Variants in EPHB1 observed in about 807,000 individuals in gnomAD.
EPHB1 encodes the protein ephrin type-B receptor 1.
A neutral mutation model predicts 94.4 loss-of-function variants in EPHB1; 30 were observed. The observed-to-expected ratio is 0.32, with a 90% CI of 0.24 to 0.43. EPHB1 has a LOEUF of 0.43. EPHB1 is among the 20% of genes least tolerant of loss of function. EPHB1 has a pLI of 1.00. For synonymous variants in EPHB1, 522 were observed against 489.1 expected, an observed-to-expected ratio of 1.07 and a Z score of -0.89; for missense variants, 1,055 against 1,308.3, an observed-to-expected ratio of 0.81 and a Z score of 2.99.
intron 12 of EPHB1, among the ~76,000 whole-genome samples, chr3:135,226,224 A>C (rs1043854994): frequency 6.6e-5 from 10 of 152,108 alleles, no homozygotes; most frequent in African/African-American, 2.4e-4. Flanking sequence ...GCCCTGTCTC[A>C]TGGCAGTTTC....
intron 2 of EPHB1, among the ~76,000 whole-genome samples, chr3:134,926,287 A>T (rs2038789555): frequency 6.6e-6 from 1 of 152,200 alleles, no homozygotes; most frequent in Admixed American, 6.5e-5. Flanking sequence ...CCTTGGAGAG[A>T]CATTAATGAT....
chr3:134,902,027 G>C (rs1464837353), intron 1 of EPHB1, among the ~76,000 whole-genome samples: 1 of 152,214 alleles, frequency 6.6e-6, no homozygotes, highest in East Asian at 1.9e-4. Flanking sequence ...TTTTCTCTGA[G>C]ATCCATGGGC....
At chr3:134,871,503 A>G (rs2108307737) in intron 1 of EPHB1, among the ~76,000 whole-genome samples, 1 of 152,222 alleles carries the variant, frequency 6.6e-6, no homozygotes, top group Middle Eastern at 3.4e-3. Context: ...AACCAAGTAG[A>G]TGTGAGGTTG....
chr3:135,146,435 T>C (rs1255018009), intron 5 of EPHB1, among the ~76,000 whole-genome samples: 1 of 152,200 alleles, frequency 6.6e-6, no homozygotes, highest in East Asian at 1.9e-4. Context: ...TGACGAGACC[T>C]GTGGAGAGGC....
chr3:134,946,404 A>G (rs1005607365), intron 2 of EPHB1, among the ~76,000 whole-genome samples: 1 of 152,068 alleles, frequency 6.6e-6, no homozygotes, highest in Non-Finnish European at 1.5e-5. Flanking sequence ...CACAGCCTTC[A>G]TTCCTCAATG....
At chr3:135,247,816 C>T (rs563473220) in intron 13 of EPHB1, among the ~76,000 whole-genome samples, 1 of 152,188 alleles carries the variant, frequency 6.6e-6, no homozygotes, top group Non-Finnish European at 1.5e-5. Flanking sequence ...AGTAAGTGCT[C>T]CATCAATGCT....
intron 1 of EPHB1, among the ~76,000 whole-genome samples, chr3:134,884,357 T>C (rs1183086549): frequency 3.3e-5 from 5 of 152,256 alleles, no homozygotes; most frequent in Admixed American, 1.3e-4. Context: ...TATTACTTTA[T>C]TAAGCCTCAA....
chr3:135,107,420 C>T (rs1324929522), intron 4 of EPHB1, among the ~76,000 whole-genome samples: 1 of 142,952 alleles, frequency 7.0e-6, no homozygotes, highest in Non-Finnish European at 1.6e-5. Context: ...GGATAATTTG[C>T]TCCTACTCCT....
At chr3:134,968,973 G>A in intron 3 of EPHB1, among the ~76,000 whole-genome samples, 1 of 152,062 alleles carries the variant, frequency 6.6e-6, no homozygotes, top group East Asian at 1.9e-4. Flanking sequence ...AGGAGAGTGT[G>A]GATTGTTTCC....
intron 1 of EPHB1, among the ~76,000 whole-genome samples, chr3:134,832,036 A>G (rs1255925825): frequency 6.6e-6 from 1 of 152,272 alleles, no homozygotes; most frequent in Non-Finnish European, 1.5e-5. Context: ...AGGATTGCCA[A>G]CTAAATCTGA....
intron 3 of EPHB1, among the ~76,000 whole-genome samples, chr3:135,051,811 C>G (rs1937177641): frequency 6.6e-6 from 1 of 152,194 alleles, no homozygotes; most frequent in African/African-American, 2.4e-5. Context: ...GGCATTACCT[C>G]ATTTCTCTAA....
At chr3:135,216,321 T>A (rs1943146917) in intron 12 of EPHB1, among the ~76,000 whole-genome samples, 1 of 152,044 alleles carries the variant, frequency 6.6e-6, no homozygotes, top group Admixed American at 6.6e-5. Context: ...ACCCCTCCCC[T>A]CATCCATCAA....
At chr3:135,051,938 G>A (rs60953542) in intron 3 of EPHB1, among the ~76,000 whole-genome samples, 2,256 of 152,224 alleles carry the variant, frequency 0.015, 66 homozygotes, top group African/African-American at 0.052. Flanking sequence ...TGAGGAAGGC[G>A]AGATATGACC....
intron 1 of EPHB1, among the ~76,000 whole-genome samples, chr3:134,812,884 T>A (rs567059129): frequency 6.6e-6 from 1 of 152,356 alleles, no homozygotes; most frequent in South Asian, 2.1e-4. Context: ...GCCACTCATA[T>A]ATATTCTCCG....
intron 9 of EPHB1, among the ~76,000 whole-genome samples, chr3:135,175,295 C>T (rs1941945888): frequency 6.6e-6 from 1 of 152,190 alleles, no homozygotes; most frequent in African/African-American, 2.4e-5. Context: ...TGACAATGCT[C>T]AGAAGTTTCT....
intron 1 of EPHB1, among the ~76,000 whole-genome samples, chr3:134,856,626 C>G (rs546200915): frequency 6.6e-6 from 1 of 152,280 alleles, no homozygotes; most frequent in East Asian, 1.9e-4. Context: ...TGCCAAGCAG[C>G]TGAAATGTGG....
intron 1 of EPHB1, among the ~76,000 whole-genome samples, chr3:134,882,806 C>CTTTCTTTCT: frequency 1.2e-5 from 1 of 80,930 alleles, no homozygotes; most frequent in South Asian, 5.3e-4. Flanking sequence ...TTCTTTCTTT[C>CTTTCTTTCT]TTTCTTTCTT....
intron 15 of EPHB1, among the ~76,000 whole-genome samples, chr3:135,251,222 T>TAGAC (rs1321693309): frequency 6.6e-6 from 1 of 152,150 alleles, no homozygotes; most frequent in African/African-American, 2.4e-5. Context: ...GACTGTCAAA[T>TAGAC]AGACAGCAAA....
intron 4 of EPHB1, among the ~76,000 whole-genome samples, chr3:135,116,155 A>T (rs1939697583): frequency 6.6e-6 from 1 of 152,218 alleles, no homozygotes; most frequent in African/African-American, 2.4e-5. Flanking sequence ...CAAAGGTTAC[A>T]TTGAGCCGAG....
Sources: gnomAD v4.1 joint callset for allele counts (sites outside exome capture counted in the v4.1 genomes callset) on GRCh38, gnomAD v4.1.1 for gene constraint, MANE v1.5 for transcripts, NCBI Gene and HGNC (gene_info 2026-07-23, HGNC 2026-07-21) for gene names.